The following NOX4 variants were observed in gnomAD, a reference collection of about 807,000 sequenced individuals.
NOX4 encodes NADPH oxidase 4.
NOX4 carries 69 observed loss-of-function variants against 87.6 expected under a neutral mutation model. The observed-to-expected ratio is 0.79, with a 90% CI of 0.65 to 0.96. The LOEUF (loss-of-function observed/expected upper bound fraction) is 0.96, where lower values mean the gene tolerates loss of function less well. NOX4 is among the 40% of genes least tolerant of loss of function. The pLI, the probability that NOX4 is intolerant of heterozygous loss-of-function variation, is 0.00. For missense variants in NOX4, 680 were observed against 681.5 expected (o/e 1.00, Z 0.02); for synonymous variants, 275 against 238.2 (o/e 1.15, Z -1.42).
At chr11:89,502,951 T>C (rs1432952976), upstream of NOX4, among the ~76,000 whole-genome samples, 1 of 152,028 alleles carries the variant, frequency 6.6e-6, no homozygotes, top group Non-Finnish European at 1.5e-5. Context: ...TTAATTGTAG[T>C]TGTCACCTTA....
chr11:89,505,539 G>A, the NOX4 span, among the ~76,000 whole-genome samples: 1 of 151,808 alleles, frequency 6.6e-6, no homozygotes, highest in Non-Finnish European at 1.5e-5. Flanking sequence ...CAGAGGAGTA[G>A]TTAGTATGGG....
chr11:89,514,644 T>C, the NOX4 span, among the ~76,000 whole-genome samples: 1 of 151,916 alleles, frequency 6.6e-6, no homozygotes, highest in Middle Eastern at 3.4e-3. Context: ...TGCCCTTAAG[T>C]TGAGGGTTTG....
At chr11:89,336,162 T>C (rs1945705338) in intron 16 of NOX4, 1 of 359,344 alleles carries the variant, frequency 2.8e-6, no homozygotes, top group African/African-American at 2.1e-5. Flanking sequence ...TTTGTTTGTT[T>C]TTAAACAAAC....
intron 7 of NOX4, among the ~76,000 whole-genome samples, chr11:89,424,598 T>C (rs560599798): frequency 6.6e-6 from 1 of 152,104 alleles, no homozygotes; most frequent in South Asian, 2.1e-4. Context: ...AATTCTACAA[T>C]GTAAATAATT....
chr11:89,457,760 A>G (rs1383282541), intron 2 of NOX4, among the ~76,000 whole-genome samples: 1 of 152,106 alleles, frequency 6.6e-6, no homozygotes, highest in Non-Finnish European at 1.5e-5. Flanking sequence ...CAGCCCACCA[A>G]CAGTGTTCAA....
intron 11 of NOX4, among the ~76,000 whole-genome samples, chr11:89,392,414 G>T (rs1339406029): frequency 6.6e-6 from 1 of 152,236 alleles, no homozygotes; most frequent in African/African-American, 2.4e-5. Context: ...TGGAGCTTCC[G>T]TGAGGTGAGG....
chr11:89,502,257 G>A (rs989106072), upstream of NOX4, among the ~76,000 whole-genome samples: 2 of 151,984 alleles, frequency 1.3e-5, no homozygotes, highest in Non-Finnish European at 1.5e-5. Context: ...AGAACCCCAC[G>A]AGTCTTATCG....
intron 2 of NOX4, among the ~76,000 whole-genome samples, chr11:89,472,145 G>A (rs1198452725): frequency 6.6e-6 from 1 of 152,112 alleles, no homozygotes; most frequent in African/African-American, 2.4e-5. Context: ...AACAATAATT[G>A]AAGCAATCAT....
chr11:89,427,887 C>T (rs142554504), intron 7 of NOX4, among the ~76,000 whole-genome samples: 1,855 of 152,106 alleles, frequency 0.012, 36 homozygotes, highest in African/African-American at 0.042. Flanking sequence ...AGATACTCCT[C>T]GAGAAGACCA....
intron 11 of NOX4, among the ~76,000 whole-genome samples, chr11:89,395,603 C>T (rs938648018): frequency 1.3e-5 from 2 of 152,034 alleles, no homozygotes; most frequent in African/African-American, 2.4e-5. Flanking sequence ...AATGGTATTG[C>T]CTAGGTTTTC....
the NOX4 span, among the ~76,000 whole-genome samples, chr11:89,570,218 T>C: frequency 6.6e-6 from 1 of 152,278 alleles, no homozygotes; most frequent in Admixed American, 6.5e-5. Context: ...ACATGTGGAA[T>C]TGGAGGCCAT....
chr11:89,400,793 A>G lies in NOX4; in HGVS notation c.847-414T>C, dbSNP rs938788689. Among the ~76,000 whole-genome samples, 36 of 151,694 alleles carry G rather than the reference A, an allele frequency of 2.4e-4. 1 individual carries two copies. The highest frequency in any genetic ancestry group is 8.7e-4 in the African/African-American group (36 of 41,460). ...CAGTCTAATGTTTATTAAATAAGAA[A>G]ACCCTAGATTTTTAATGTACATAAT... On this transcript the variant is annotated intron_variant, in intron 9 of 17. Transcript: ENST00000263317.
chr11:89,545,623 A>G, the NOX4 span: 1 of 152,048 alleles, frequency 6.6e-6, no homozygotes, highest in African/African-American at 2.4e-5. Context: ...AGATACCTCA[A>G]ATGTAAATAT....
chr11:89,356,104 ATTAT>A (rs1381165894), intron 12 of NOX4, among the ~76,000 whole-genome samples: 1 of 152,166 alleles, frequency 6.6e-6, no homozygotes, highest in Non-Finnish European at 1.5e-5. Context: ...TAAGCAATGT[ATTAT>A]TTAAGTATGA....
intron 11 of NOX4, among the ~76,000 whole-genome samples, chr11:89,376,630 C>A (rs1939859605): frequency 6.6e-6 from 1 of 152,162 alleles, no homozygotes. Context: ...CGCCTGTAAT[C>A]CTAGCACTTT....
chr11:89,452,816 G>A (rs565758204), intron 2 of NOX4, among the ~76,000 whole-genome samples: 2 of 152,118 alleles, frequency 1.3e-5, no homozygotes, highest in Middle Eastern at 3.4e-3. Context: ...CTAGGTTCAA[G>A]CTATCCTCCT....
intron 17 of NOX4, among the ~76,000 whole-genome samples, chr11:89,335,054 C>CTTT (rs1945642492): frequency 6.6e-6 from 1 of 151,662 alleles, no homozygotes; most frequent in Non-Finnish European, 1.5e-5. Context: ...ATGTTAATTA[C>CTTT]AAAATGTCAA....
intron 4 of NOX4, 102 bp from the exon 5 acceptor site, chr11:89,444,334 G>T: frequency 1.2e-6 from 1 of 850,542 alleles, no homozygotes; most frequent in South Asian, 1.6e-5. Flanking sequence ...GCCAAACTTT[G>T]ACAGCTATGT....
chr11:89,340,887 C>T (rs763862752), intron 14 of NOX4, among the ~76,000 whole-genome samples: 2 of 151,712 alleles, frequency 1.3e-5, no homozygotes, highest in Non-Finnish European at 2.9e-5. Context: ...CCAGAAAGTA[C>T]CAAATTTACA....
Sources: gnomAD v4.1 joint callset for allele counts (sites outside exome capture counted in the v4.1 genomes callset) on GRCh38, gnomAD v4.1.1 for gene constraint, MANE v1.5 for transcripts, NCBI Gene and HGNC (gene_info 2026-07-23, HGNC 2026-07-21) for gene names.